The following RBFOX1 variants were observed in gnomAD, a reference collection of about 807,000 sequenced individuals.
RBFOX1 encodes RNA binding fox-1 homolog 1.
Under a neutral mutation model 57.7 loss-of-function variants are expected in RBFOX1, and 8 were observed. The ratio of observed to expected loss-of-function variants is 0.14; its 90% confidence interval spans 0.08 to 0.25. The LOEUF (loss-of-function observed/expected upper bound fraction) is 0.25. Among genes scored for constraint, RBFOX1 ranks in the 10% least tolerant of loss-of-function variants. RBFOX1 has a pLI of 1.00. For missense variants in RBFOX1, 611 were observed against 548.5 expected (o/e 1.11, Z -1.14); for synonymous variants, 326 against 222.4 (o/e 1.47, Z -4.15).
In RBFOX1 at chr16:7,595,531, T is replaced by C; in HGVS notation, c.469-18T>C. ...TAATAATCTGCATGTTGTTTTCCCT[T>C]CTCCCTCCTGCATGCAGGGATTTGG... On this transcript the variant is annotated intron_variant, in intron 7 of 15. Transcript: ENST00000550418. 1.3e-6 allele frequency: 2 copies of C among 1,534,454 alleles called. No individual in the cohort carries two copies. Among genetic ancestry groups the C allele is most frequent in the South Asian group, 1.3e-5 (1 of 77,348 alleles).
intron 3 of RBFOX1, among the ~76,000 whole-genome samples, chr16:5,762,246 A>G (rs1174881384): frequency 1.3e-5 from 2 of 152,226 alleles, no homozygotes; most frequent in South Asian, 2.1e-4. Flanking sequence ...AGAAATCTAA[A>G]TGGCCGGGAC....
intron 4 of RBFOX1, among the ~76,000 whole-genome samples, chr16:7,514,524 G>A (rs1033793971): frequency 2.0e-5 from 3 of 152,170 alleles, no homozygotes; most frequent in Admixed American, 2.0e-4. Flanking sequence ...TTGGTGCTGT[G>A]TGAGCTGTGG....
intron 3 of RBFOX1, among the ~76,000 whole-genome samples, chr16:5,709,268 C>G (rs8050184): frequency 0.7 from 106,027 of 152,000 alleles, 37,994 homozygotes; most frequent in African/African-American, 0.77. Flanking sequence ...GCAGCAAAGA[C>G]GATGGGTGCA....
intron 4 of RBFOX1, among the ~76,000 whole-genome samples, chr16:7,447,701 T>C (rs9933246): frequency 0.38 from 57,252 of 151,716 alleles, 11,264 homozygotes; most frequent in Non-Finnish European, 0.44. Context: ...GTTGGCCTAG[T>C]CTCTCACTAT....
In RBFOX1 at chr16:6,594,827, C is replaced by T. The variant is rs996637106; in HGVS notation, c.-63-59776C>T. Among the ~76,000 whole-genome samples the T allele has an allele frequency of 8.7e-4, 132 of 152,278 alleles. 1 individual carries two copies. The highest frequency in any genetic ancestry group is 3.9e-4 in the East Asian group (2 of 5,180). On this transcript the variant is annotated intron_variant, in intron 2 of 15. Coordinates refer to ENST00000550418, the MANE Select transcript of RBFOX1 (RefSeq NM_018723.4). ...TTTTTGAGACGGAGTCTCATTCCGT[C>T]GCCCAGGCTGGAGTGCAGTGGCGTG...
At chr16:7,000,061 C>A (rs894177652) in intron 3 of RBFOX1, among the ~76,000 whole-genome samples, 11 of 127,044 alleles carry the variant, frequency 8.7e-5, no homozygotes, top group African/African-American at 2.9e-4. Context: ...AACAGGGAGA[C>A]TCTGTTTCAA....
At chr16:7,695,771 C>T (rs1205294593) in intron 14 of RBFOX1, among the ~76,000 whole-genome samples, 1 of 151,854 alleles carries the variant, frequency 6.6e-6, no homozygotes, top group Non-Finnish European at 1.5e-5. Flanking sequence ...TTGAATCCTG[C>T]TATCTACTGG....
intron 1 of RBFOX1, among the ~76,000 whole-genome samples, chr16:5,387,810 C>G (rs1427792396): frequency 1.3e-5 from 2 of 152,194 alleles, no homozygotes; most frequent in Non-Finnish European, 2.9e-5. Context: ...TGGTTATTGT[C>G]TGACCTTGAG....
intron 3 of RBFOX1, among the ~76,000 whole-genome samples, chr16:6,728,009 G>A (rs9922414): frequency 0.86 from 130,202 of 152,182 alleles, 58,237 homozygotes; most frequent in South Asian, 0.98. Context: ...TGAAGAAATT[G>A]TAGTATTTCC....
chr16:6,342,743 G>A (rs147144970), intron 2 of RBFOX1, among the ~76,000 whole-genome samples: 212 of 152,146 alleles, frequency 1.4e-3, no homozygotes, highest in African/African-American at 4.8e-3. Context: ...TCTTCGGTGC[G>A]TATCTCCAAA....
At chr16:6,863,117 A>G (rs888752323) in intron 3 of RBFOX1, among the ~76,000 whole-genome samples, 6 of 152,088 alleles carry the variant, frequency 3.9e-5, no homozygotes, top group African/African-American at 1.4e-4. Flanking sequence ...TATTGGTGGG[A>G]GAGTGGATGA....
At chr16:7,221,651 G>C (rs1360529023) in intron 4 of RBFOX1, among the ~76,000 whole-genome samples, 2 of 152,196 alleles carry the variant, frequency 1.3e-5, no homozygotes, top group Non-Finnish European at 2.9e-5. Context: ...ACAGGCGTGA[G>C]CCACTGCACC....
chr16:6,319,385 G>A (rs1256944061), intron 2 of RBFOX1, among the ~76,000 whole-genome samples: 7 of 152,196 alleles, frequency 4.6e-5, no homozygotes, highest in Non-Finnish European at 1.0e-4. Context: ...TACCCCTCAT[G>A]ATATCCACAG....
At chr16:5,331,166 T>C (rs927137644) in intron 1 of RBFOX1, among the ~76,000 whole-genome samples, 1 of 152,192 alleles carries the variant, frequency 6.6e-6, no homozygotes, top group Admixed American at 6.5e-5. Flanking sequence ...CTCCTCCGGA[T>C]AGGGTAAGCC....
chr16:6,040,279 G>A (rs187858264), intron 1 of RBFOX1, among the ~76,000 whole-genome samples: 19 of 152,228 alleles, frequency 1.2e-4, no homozygotes, highest in East Asian at 1.9e-4. Context: ...ATATTGTTGC[G>A]CAAGCAACAC....
chr16:7,473,752 C>A (rs114088697), intron 4 of RBFOX1, among the ~76,000 whole-genome samples: 328 of 152,204 alleles, frequency 2.2e-3, no homozygotes, highest in African/African-American at 7.3e-3. Flanking sequence ...CCAACCTCCA[C>A]TTCTTGGCTG....
At chr16:6,325,735 G>A (rs1367708203) in intron 2 of RBFOX1, among the ~76,000 whole-genome samples, 1 of 152,094 alleles carries the variant, frequency 6.6e-6, no homozygotes, top group African/African-American at 2.4e-5. Flanking sequence ...AAATTCAGGA[G>A]GCTAGAATTT....
intron 1 of RBFOX1, among the ~76,000 whole-genome samples, chr16:6,037,048 A>T (rs2095374428): frequency 6.6e-6 from 1 of 152,174 alleles, no homozygotes; most frequent in South Asian, 2.1e-4. Flanking sequence ...GTAGTGATGA[A>T]GGATTGGGGT....
chr16:7,569,164 C>T (rs961822084), intron 5 of RBFOX1, among the ~76,000 whole-genome samples: 1 of 152,138 alleles, frequency 6.6e-6, no homozygotes, highest in African/African-American at 2.4e-5. Flanking sequence ...CCTGTGCTTT[C>T]TGATGAGCGT....
Sources: gnomAD v4.1 joint callset for allele counts (sites outside exome capture counted in the v4.1 genomes callset) on GRCh38, gnomAD v4.1.1 for gene constraint, MANE v1.5 for transcripts, NCBI Gene and HGNC (gene_info 2026-07-23, HGNC 2026-07-21) for gene names.